The following F3 variants were observed in gnomAD, a reference collection of about 807,000 sequenced individuals.
The protein encoded by F3 is coagulation factor III, tissue factor, also known as tissue factor.
Under a neutral mutation model 33.5 loss-of-function variants are expected in F3, and 18 were observed. The ratio of observed to expected loss-of-function variants is 0.54; its 90% CI spans 0.37 to 0.80. The LOEUF is 0.80. Ranked by LOEUF, F3 falls within the 30% of genes least tolerant of loss-of-function variation. The pLI is 0.00. For synonymous variants in F3, 147 were observed against 140.7 expected, an observed-to-expected ratio of 1.05 and a Z score of -0.32; for missense variants, 353 against 362.1, an observed-to-expected ratio of 0.97 and a Z score of 0.20.
chr1:94,531,151 G>C (rs771817582), intron 5 of F3, among the ~76,000 whole-genome samples: 1 of 152,168 alleles, frequency 6.6e-6, no homozygotes, highest in Non-Finnish European at 1.5e-5. Flanking sequence ...GCTGTGGGTA[G>C]GATGGCTCAG....
At position 94,535,957 on chromosome 1, in the gene F3, C is replaced by T. The variant is rs370746178; in HGVS notation, c.412+8G>A. On this transcript the variant is annotated splice_region_variant and intron_variant, in intron 3 of 5. Transcript: ENST00000334047. ...AGAATGAACGGTATTACAGCCCAAG[C>T]CACTTACTCTCCAGGTAAGGTGTGA... The T allele has an allele frequency of 1.1e-5, 17 of 1,613,670 alleles. No individual in the cohort carries two copies. The African/African-American group carries it at 1.7e-4, about 16-fold the overall frequency.
chr1:94,539,795 T>C (rs1260461922), intron 2 of F3, among the ~76,000 whole-genome samples: 1 of 152,202 alleles, frequency 6.6e-6, no homozygotes, highest in African/African-American at 2.4e-5. Context: ...TTTCGATTCA[T>C]GGAGTCCAAA....
chr1:94,532,225 A>G (rs1651453956), intron 5 of F3, 96 bp downstream of exon 5: 4 of 1,204,502 alleles, frequency 3.3e-6, no homozygotes, highest in Non-Finnish European at 4.6e-6. Context: ...ATATTTAACC[A>G]AGGAAGTATA....
intron 3 of F3, among the ~76,000 whole-genome samples, chr1:94,534,023 C>G (rs1008124328): frequency 6.6e-6 from 1 of 151,942 alleles, no homozygotes; most frequent in Non-Finnish European, 1.5e-5. Context: ...CCCACAACCA[C>G]GCCTGGCTAA....
intron 3 of F3, 109 bp from the exon 4 acceptor site, chr1:94,533,377 G>T: frequency 7.6e-7 from 1 of 1,318,074 alleles, no homozygotes; most frequent in Non-Finnish European, 1.1e-6. Flanking sequence ...TAAAACATGT[G>T]CATAGAACCA....
intron 1 of F3, 83 bp from the exon 2 acceptor site, chr1:94,540,451 G>A: frequency 1.3e-6 from 1 of 797,510 alleles, no homozygotes; most frequent in South Asian, 1.7e-5. Flanking sequence ...CTTCCCACCT[G>A]ACATCACCAT....
At position 94,530,558 on chromosome 1, in the gene F3, T is replaced by C. The variant is rs766790683; in HGVS notation, c.790A>G (p.Ile264Val). Residue 264 changes from isoleucine to valine, a missense_variant, in exon 6 of 6, where the codon ATC (isoleucine) becomes GTC (valine). Coordinates refer to ENST00000334047, the MANE Select transcript of F3 (RefSeq NM_001993.5). ...ATAGCCAGGATGATGACAAGGATGA[T>C]GACCACAAATACCACAGCTCCAATG... ...YIIGAVVFVVIILVIILAISL... is the reference protein window; with the variant it reads ...YIIGAVVFVVVILVIILAISL... 2.5e-6 allele frequency: 4 copies of C among 1,614,166 alleles called. No homozygotes were observed. Among genetic ancestry groups the C allele is most frequent in the South Asian group, 1.1e-5 (1 of 91,082 alleles).
intron 5 of F3, 35 bp from the exon 6 acceptor site, chr1:94,530,631 G>A (rs766991886): frequency 1.9e-6 from 3 of 1,612,212 alleles, no homozygotes; most frequent in Non-Finnish European, 1.7e-6. Flanking sequence ...AACTTGGAGA[G>A]CTCAAATCCC....
intron 5 of F3, 122 bp downstream of exon 5, chr1:94,532,199 C>T (rs1651453529): frequency 3.2e-6 from 3 of 934,778 alleles, no homozygotes; most frequent in African/African-American, 1.7e-5. Flanking sequence ...AACCTCCAGG[C>T]AGTTTGTTTT....
intron 1 of F3, 79 bp downstream of exon 1, chr1:94,541,458 G>T: frequency 8.6e-7 from 1 of 1,167,096 alleles, no homozygotes; most frequent in South Asian, 1.8e-5. Flanking sequence ...GAACCAGGGC[G>T]AGCCCGCTGC....
Position 94,533,191 on chromosome 1 carries a change from T to C in F3, c.490A>G (p.Thr164Ala), listed in dbSNP as rs1651484139. The C allele has an allele frequency of 1.2e-6, 2 of 1,613,898 alleles. No individual in the cohort carries two copies. Among genetic ancestry groups the C allele is most frequent in the South Asian group, 1.1e-5 (1 of 91,018 alleles). Residue 164 changes from threonine (T) to alanine (A), a missense_variant, in exon 4 of 6, where the codon ACT becomes GCT. Physicochemically the swap from Thr to Ala is moderately conservative, Grantham distance 58. Transcript: ENST00000334047. ...AAAGTGTTGTTCCTTCTGACTAAAG[T>C]CCGTTCATCTTCTACGGTCACATTC... is the stretch of plus-strand genomic sequence containing the variant. ...KVNVTVEDER[T>A]LVRRNNTFLS...
At chr1:94,531,628 CTT>C (rs1651428840) in intron 5 of F3, among the ~76,000 whole-genome samples, 1 of 152,168 alleles carries the variant, frequency 6.6e-6, no homozygotes, top group Non-Finnish European at 1.5e-5. Flanking sequence ...TCCCCTGACT[CTT>C]TTCTTCACTG....
Position 94,530,248 on chromosome 1 carries a change from G to T in F3, c.*212C>A, listed in dbSNP as rs1651379629. ...GTGTTAAAAATTAAAACTTGGAATT[G>T]GTTGTAGTACCATTCGTTACATTTC... On this transcript the variant is annotated 3_prime_UTR_variant, in exon 6 of 6. Transcript: ENST00000334047. 2.0e-6 allele frequency: 1 copy of T among 494,090 alleles called. No homozygotes were observed. Among genetic ancestry groups the T allele is most frequent in the Admixed American group, 3.5e-5 (1 of 28,572 alleles). The allele number at this position is 494,090 out of a possible 1,614,324, so 30.6% of individuals were successfully genotyped here.
At chr1:94,536,259 C>A (rs1651603151) in intron 2 of F3, 95 bp from the exon 3 acceptor site, 3 of 1,066,790 alleles carry the variant, frequency 2.8e-6, no homozygotes, top group Middle Eastern at 3.0e-4. Context: ...TCTGTGCTAA[C>A]ATCAGGAGCC....
Position 94,541,739 on chromosome 1 carries a change from G to C in F3, c.-103C>G, listed in dbSNP as rs1000402405. 1.6e-6 allele frequency: 1 copy of C among 618,310 alleles called. No individual in the cohort carries two copies. Among genetic ancestry groups the C allele is most frequent in the Non-Finnish European group, 2.4e-6 (1 of 413,840 alleles). 38.3% of individuals were successfully genotyped at this position (618,310 alleles called of 1,614,324 possible). A position where few individuals can be genotyped will look rare whatever the true frequency, so the allele number is the denominator to read the frequency against. On this transcript the variant is annotated 5_prime_UTR_variant, in exon 1 of 6. Coordinates refer to ENST00000334047, the MANE Select transcript of F3 (RefSeq NM_001993.5). The stretch of plus-strand genomic sequence containing the variant: ...GGCCGGCCAGAGGGAGTGCGAGGGG[G>C]TGCGGGGAGCTCGCAGTCTTGGGGA...
intron 2 of F3, among the ~76,000 whole-genome samples, chr1:94,538,625 CT>C (rs1160251632): frequency 1.3e-5 from 2 of 152,228 alleles, no homozygotes; most frequent in African/African-American, 4.8e-5. Flanking sequence ...ACTGGGTAGA[CT>C]TTGGTTCCAG....
rs1374306082 is a variant in F3, at chr1:94,530,452, T to C, written c.*8A>G. The stretch of plus-strand genomic sequence containing the variant: ...ATAGCATTTGCAGTAGCTCCAACAG[T>C]GCTTCCTTTATGAAACATTCAGTGG... On this transcript the variant is annotated 3_prime_UTR_variant, in exon 6 of 6. Coordinates refer to ENST00000334047, the MANE Select transcript of F3 (RefSeq NM_001993.5). 1 of 1,613,976 alleles carries C rather than the reference T, an allele frequency of 6.2e-7. No homozygotes were observed. Among genetic ancestry groups the C allele is most frequent in the African/African-American group, 1.3e-5 (1 of 74,928 alleles).
intron 5 of F3, among the ~76,000 whole-genome samples, chr1:94,530,937 G>T (rs753087791): frequency 3.3e-5 from 5 of 152,222 alleles, no homozygotes; most frequent in Non-Finnish European, 5.9e-5. Flanking sequence ...TGAACCCTAA[G>T]TGCAAAGTGG....
Position 94,535,949 on chromosome 1 carries a change from A to G in F3, c.412+16T>C, listed in dbSNP as rs1470480576. 2 of 1,613,046 alleles carry G rather than the reference A, an allele frequency of 1.2e-6. No homozygotes were observed. Among genetic ancestry groups the G allele is most frequent in the South Asian group, 2.2e-5 (2 of 91,060 alleles). On this transcript the variant is annotated intron_variant, in intron 3 of 5. Coordinates refer to ENST00000334047, the MANE Select transcript of F3 (RefSeq NM_001993.5). ...TTCTAACAAGAATGAACGGTATTAC[A>G]GCCCAAGCCACTTACTCTCCAGGTA...
Sources: gnomAD v4.1 joint callset for allele counts (sites outside exome capture counted in the v4.1 genomes callset) on GRCh38, gnomAD v4.1.1 for gene constraint, MANE v1.5 for transcripts, NCBI Gene and HGNC (gene_info 2026-07-23, HGNC 2026-07-21) for gene names.